Variants in KDM2A observed in about 807,000 individuals in gnomAD.
KDM2A encodes the protein lysine demethylase 2A.
A neutral mutation model predicts 137.3 loss-of-function variants in KDM2A; 3 were observed. The observed-to-expected ratio is 0.02, with a 90% CI of 0.01 to 0.06. The LOEUF (loss-of-function observed/expected upper bound fraction) is 0.06, where lower values mean the gene tolerates loss of function less well. KDM2A is among the 10% of genes least tolerant of loss of function. The pLI is 1.00. For missense variants in KDM2A, 738 were observed against 1,510.6 expected (o/e 0.49, Z 8.48); for synonymous variants, 512 against 541.5 (o/e 0.95, Z 0.76).
At chr11:67,150,928 G>A (rs563277551) in intron 2 of KDM2A, among the ~76,000 whole-genome samples, 1 of 152,258 alleles carries the variant, frequency 6.6e-6, no homozygotes, top group African/African-American at 2.4e-5. Flanking sequence ...TCTAAACCTA[G>A]TGTTGAAGGC....
In KDM2A at chr11:67,181,483, C is replaced by T. The variant is rs544853903; in HGVS notation, c.260+85C>T. 37 of 796,184 alleles carry T rather than the reference C, an allele frequency of 4.6e-5. No individual in the cohort carries two copies. The African/African-American group carries it at 5.6e-4, about 12-fold the overall frequency. The allele number at this position is 796,184 out of a possible 1,614,324, so 49.3% of individuals were successfully genotyped here. A position where few individuals can be genotyped will look rare whatever the true frequency, so the allele number is the denominator to read the frequency against. Reference sequence around the variant, plus strand: ...ATAAACAGTGGTGGTATTGATAACCCAAAACAATAGTAATTGAAAATAATT... The same window carrying T: ...ATAAACAGTGGTGGTATTGATAACCTAAAACAATAGTAATTGAAAATAATT... On this transcript the variant is annotated intron_variant, in intron 4 of 20. Transcript: ENST00000529006.
rs534648566 is a variant in KDM2A at position 67,128,612 on chromosome 11, C to G, written c.42+7254C>G. On this transcript the variant is annotated intron_variant, in intron 2 of 20. Transcript: ENST00000529006. ...AGATAATGACAACTAATTTTTTATT[C>G]TTATACATCAGTCTTCCACAGTAAG... Among the ~76,000 whole-genome samples, 49 of 152,134 alleles carry G rather than the reference C, an allele frequency of 3.2e-4. No individual in the cohort carries two copies. In the South Asian group the frequency reaches 6.2e-3, roughly 19 times the overall value.
intron 2 of KDM2A, among the ~76,000 whole-genome samples, chr11:67,155,489 A>T (rs1403243191): frequency 2.0e-5 from 3 of 151,942 alleles, no homozygotes; most frequent in Non-Finnish European, 4.4e-5. Context: ...ATTGTTTTGG[A>T]GGCAAGGTCT....
intron 12 of KDM2A, among the ~76,000 whole-genome samples, chr11:67,233,403 C>CA (rs1340238444): frequency 7.1e-6 from 1 of 141,712 alleles, no homozygotes; most frequent in East Asian, 2.2e-4. Flanking sequence ...CCTGTAATCC[C>CA]AGCACTTTGG....
intron 2 of KDM2A, among the ~76,000 whole-genome samples, chr11:67,166,898 G>A (rs1026474239): frequency 7.9e-5 from 12 of 151,984 alleles, no homozygotes; most frequent in African/African-American, 2.7e-4. Context: ...CCAACGTGGC[G>A]AGACCTCGTC....
chr11:67,253,916 G>T (rs1303566764), intron 19 of KDM2A, among the ~76,000 whole-genome samples: 2 of 152,200 alleles, frequency 1.3e-5, no homozygotes, highest in Non-Finnish European at 2.9e-5. Context: ...TTGCATGATG[G>T]TCTAGAAAAG....
intron 2 of KDM2A, chr11:67,131,851 A>G (rs948843430): frequency 6.6e-6 from 1 of 152,096 alleles, no homozygotes; most frequent in African/African-American, 2.4e-5. Context: ...AACTTATTGC[A>G]CTTGATCTGT....
intron 2 of KDM2A, among the ~76,000 whole-genome samples, chr11:67,163,770 C>T (rs1056236392): frequency 1.3e-5 from 2 of 151,586 alleles, no homozygotes; most frequent in Non-Finnish European, 2.9e-5. Context: ...GCAGGAGAAT[C>T]GCTTGAACCT....
At chr11:67,148,522 C>T (rs1002978586) in intron 2 of KDM2A, among the ~76,000 whole-genome samples, 17 of 152,134 alleles carry the variant, frequency 1.1e-4, no homozygotes, top group Admixed American at 4.6e-4. Context: ...GTAATCCGGC[C>T]GGGCGTGGTG....
At chr11:67,242,575 C>T (rs1024361729) in intron 12 of KDM2A, among the ~76,000 whole-genome samples, 21 of 152,152 alleles carry the variant, frequency 1.4e-4, no homozygotes, top group African/African-American at 5.1e-4. Flanking sequence ...CTTGTCACCA[C>T]AGTAAGTTAG....
intron 2 of KDM2A, among the ~76,000 whole-genome samples, chr11:67,142,666 C>T (rs1357934604): frequency 6.6e-6 from 1 of 150,972 alleles, no homozygotes; most frequent in Non-Finnish European, 1.5e-5. Flanking sequence ...ATTGCACCAT[C>T]GCACTCCAGA....
At chr11:67,210,663 A>G (rs1230413662) in intron 6 of KDM2A, among the ~76,000 whole-genome samples, 1 of 152,246 alleles carries the variant, frequency 6.6e-6, no homozygotes, top group Non-Finnish European at 1.5e-5. Flanking sequence ...GGGACCTAAA[A>G]CATGAAAGAT....
chr11:67,173,714 TTTTA>T (rs1856922832), intron 2 of KDM2A, among the ~76,000 whole-genome samples: 1 of 152,082 alleles, frequency 6.6e-6, no homozygotes, highest in South Asian at 2.1e-4. Context: ...TTATTTTTCT[TTTTA>T]TTTATTTATT....
intron 5 of KDM2A, among the ~76,000 whole-genome samples, chr11:67,182,776 G>A (rs1191042005): frequency 3.3e-5 from 5 of 152,074 alleles, no homozygotes; most frequent in African/African-American, 7.2e-5. Context: ...CAAGCAATCC[G>A]CCTGCCTTGG....
chr11:67,180,351 A>G, intron 3 of KDM2A, 134 bp downstream of exon 3: 1 of 902,554 alleles, frequency 1.1e-6, no homozygotes, highest in South Asian at 2.0e-5. Flanking sequence ...CTTGTTATAC[A>G]ATGCCATTTG....
chr11:67,246,664 C>T (rs1196031787), intron 15 of KDM2A, among the ~76,000 whole-genome samples: 2 of 152,090 alleles, frequency 1.3e-5, no homozygotes, highest in Non-Finnish European at 2.9e-5. Flanking sequence ...AGCTCCCCTA[C>T]TGATCCGAAT....
Position 67,250,268 on chromosome 11 carries a change from C to G in KDM2A, c.2238C>G (p.Ser746Arg). 1 of 1,613,820 alleles carries G rather than the reference C, an allele frequency of 6.2e-7. No homozygotes were observed. The highest frequency in any genetic ancestry group is 8.5e-7 in the Non-Finnish European group (1 of 1,179,874). Residue 746 changes from serine (S) to arginine (R), a missense_variant, in exon 17 of 21, where the codon AGC (serine) becomes AGG (arginine). By Grantham distance (110) the Ser-to-Arg change is moderately radical (BLOSUM62 -1). Coordinates refer to ENST00000529006, the MANE Select transcript of KDM2A (RefSeq NM_012308.3). The surrounding 1 kb of genome is among the most constrained non-coding windows in gnomAD (Gnocchi z 7.1). ...VTRSSPGAGP[S>R]DHHSASRDER... is the part of the protein sequence containing the mutation. ...GGTCATCCCCTGGGGCTGGCCCCAG[C>G]GACCACCACAGTGCCAGCCGCGATG...
chr11:67,224,828 A>AC (rs1858485005), intron 10 of KDM2A, among the ~76,000 whole-genome samples: 1 of 66,300 alleles, frequency 1.5e-5, no homozygotes, highest in Admixed American at 1.6e-4. Context: ...CAGCTGCAGC[A>AC]TTTTTTTTTT....
intron 2 of KDM2A, among the ~76,000 whole-genome samples, chr11:67,153,855 A>G (rs1219185088): frequency 1.3e-5 from 2 of 151,520 alleles, no homozygotes; most frequent in Admixed American, 1.3e-4. Flanking sequence ...AACTGTGTAT[A>G]TCTTGCACTG....
Sources: allele counts gnomAD v4.1 joint callset (sites outside exome capture counted in the v4.1 genomes callset), GRCh38; gene constraint gnomAD v4.1.1; non-coding constraint Gnocchi (gnomAD v3.1); transcripts MANE v1.5; gene names NCBI Gene and HGNC (gene_info 2026-07-23, HGNC 2026-07-21).